Variants in APBA1 observed in about 807,000 individuals in gnomAD.
APBA1 encodes the protein amyloid-beta A4 precursor protein-binding family A member 1.
In APBA1, 55 loss-of-function variants were observed where a neutral mutation model predicts 86.6. The observed-to-expected ratio is 0.64, with a 90% CI of 0.51 to 0.80. The LOEUF (loss-of-function observed/expected upper bound fraction) is 0.80, where lower values mean the gene tolerates loss of function less well. APBA1 is among the 30% of genes least tolerant of loss of function. APBA1 has a pLI of 0.00. For missense variants in APBA1, 1,090 were observed against 1,183.0 expected, an observed-to-expected ratio of 0.92 and a Z score of 1.15; for synonymous variants, 511 against 493.9, an observed-to-expected ratio of 1.03 and a Z score of -0.46.
intron 1 of APBA1, among the ~76,000 whole-genome samples, chr9:69,622,137 G>A (rs11139521): frequency 0.087 from 13,227 of 152,172 alleles, 706 homozygotes; most frequent in African/African-American, 0.14. Flanking sequence ...AGGAATCTGG[G>A]GATGTCACCC....
intron 1 of APBA1, among the ~76,000 whole-genome samples, chr9:69,565,441 C>T (rs1262050405): frequency 6.6e-6 from 1 of 152,120 alleles, no homozygotes; most frequent in Non-Finnish European, 1.5e-5. Flanking sequence ...TGACCTTAAT[C>T]ATCTACGCAC....
At chr9:69,583,812 C>T (rs757218282) in intron 1 of APBA1, among the ~76,000 whole-genome samples, 1 of 152,154 alleles carries the variant, frequency 6.6e-6, no homozygotes, top group African/African-American at 2.4e-5. Flanking sequence ...GTAGCATGCA[C>T]GAGCCAGCTG....
intron 1 of APBA1, among the ~76,000 whole-genome samples, chr9:69,609,832 T>A (rs540688566): frequency 6.6e-6 from 1 of 152,258 alleles, no homozygotes; most frequent in South Asian, 2.1e-4. Context: ...AGGGTCTCCC[T>A]CTGTCACCCA....
chr9:69,492,721 C>T (rs1468078571), intron 2 of APBA1, among the ~76,000 whole-genome samples: 5 of 152,162 alleles, frequency 3.3e-5, no homozygotes, highest in East Asian at 1.9e-4. Context: ...TCAGGGCATA[C>T]GTATGCCTCT....
At chr9:69,630,491 C>T (rs978485176) in intron 1 of APBA1, among the ~76,000 whole-genome samples, 5 of 152,174 alleles carry the variant, frequency 3.3e-5, no homozygotes, top group Non-Finnish European at 5.9e-5. Flanking sequence ...TCCTTCTCAG[C>T]TACATTTCTC....
chr9:69,432,522 C>T lies in APBA1; in HGVS notation c.2442+14G>A, dbSNP rs760955225. The T allele has an allele frequency of 1.8e-5, 28 of 1,523,450 alleles. No individual in the cohort carries two copies. Among genetic ancestry groups the T allele is most frequent in the South Asian group, 9.1e-5 (7 of 76,550 alleles). The allele number at this position is 1,523,450 out of a possible 1,614,324, so 94.4% of individuals were successfully genotyped here. ...CGGCCCTCAGCACCACCCTCAGCCC[C>T]GGACCTCTCCTACCTCCCCAACAGC... On this transcript the variant is annotated intron_variant, in intron 12 of 12. Coordinates refer to ENST00000265381, the MANE Select transcript of APBA1 (RefSeq NM_001163.4).
intron 1 of APBA1, among the ~76,000 whole-genome samples, chr9:69,589,765 A>C (rs1043006462): frequency 6.6e-6 from 1 of 152,152 alleles, no homozygotes; most frequent in Non-Finnish European, 1.5e-5. Flanking sequence ...CAAACAATTT[A>C]AACTGGGATT....
chr9:69,525,673 A>T (rs1251164470), intron 1 of APBA1, among the ~76,000 whole-genome samples: 2 of 152,180 alleles, frequency 1.3e-5, no homozygotes, highest in Non-Finnish European at 2.9e-5. Context: ...ATTCAATGTT[A>T]TTCCTATCAA....
At chr9:69,610,774 G>C (rs961478979) in intron 1 of APBA1, among the ~76,000 whole-genome samples, 1 of 152,142 alleles carries the variant, frequency 6.6e-6, no homozygotes, top group African/African-American at 2.4e-5. Context: ...AACAGAATGA[G>C]ATTCTCAAAC....
chr9:69,594,876 GT>G, intron 1 of APBA1, among the ~76,000 whole-genome samples: 1 of 152,216 alleles, frequency 6.6e-6, no homozygotes, highest in Middle Eastern at 3.4e-3. Flanking sequence ...TCTTGTTACT[GT>G]TACTAGTGTT....
chr9:69,481,997 A>T (rs1488247614), intron 2 of APBA1, among the ~76,000 whole-genome samples: 1 of 150,982 alleles, frequency 6.6e-6, no homozygotes, highest in Non-Finnish European at 1.5e-5. Flanking sequence ...CTTAAACGTT[A>T]GACCTAAAAC....
intron 1 of APBA1, among the ~76,000 whole-genome samples, chr9:69,601,039 T>C (rs1822341609): frequency 6.6e-6 from 1 of 151,884 alleles, no homozygotes; most frequent in Non-Finnish European, 1.5e-5. Context: ...AATTTTAGAA[T>C]ACAAAAAGAA....
intron 1 of APBA1, among the ~76,000 whole-genome samples, chr9:69,523,791 C>T (rs1836301331): frequency 6.6e-6 from 1 of 151,922 alleles, no homozygotes; most frequent in Non-Finnish European, 1.5e-5. Flanking sequence ...CAACTGCATG[C>T]ACATGGAACA....
intron 1 of APBA1, among the ~76,000 whole-genome samples, chr9:69,534,322 C>A (rs983692860): frequency 6.6e-6 from 1 of 152,142 alleles, no homozygotes; most frequent in African/African-American, 2.4e-5. Flanking sequence ...ACTCTCCTTG[C>A]GTCTAGCTGG....
intron 11 of APBA1, among the ~76,000 whole-genome samples, chr9:69,435,736 T>C (rs1458900209): frequency 6.6e-6 from 1 of 152,256 alleles, no homozygotes; most frequent in East Asian, 1.9e-4. Flanking sequence ...TCCCTTTCTG[T>C]AGGTTGCCTG....
At chr9:69,607,515 G>A (rs1293888821) in intron 1 of APBA1, among the ~76,000 whole-genome samples, 1 of 152,086 alleles carries the variant, frequency 6.6e-6, no homozygotes, top group Non-Finnish European at 1.5e-5. Context: ...TGCTAGGACT[G>A]GCAGATTAGC....
chr9:69,446,352 G>A (rs556144437), intron 10 of APBA1, among the ~76,000 whole-genome samples: 55 of 152,114 alleles, frequency 3.6e-4, no homozygotes, highest in African/African-American at 1.3e-3. Context: ...CTCTAATCGG[G>A]GTCTGCCCTG....
chr9:69,520,767 T>C (rs1031346133), intron 1 of APBA1, among the ~76,000 whole-genome samples: 1 of 152,102 alleles, frequency 6.6e-6, no homozygotes, highest in East Asian at 1.9e-4. Context: ...CCTTCCCTTA[T>C]CTCCCTCCTC....
chr9:69,492,842 T>G (rs1292246161), intron 2 of APBA1, among the ~76,000 whole-genome samples: 1 of 152,084 alleles, frequency 6.6e-6, no homozygotes, highest in African/African-American at 2.4e-5. Context: ...CCAATACTTG[T>G]TGGCCTCTTT....
Sources: allele counts gnomAD v4.1 joint callset (sites outside exome capture counted in the v4.1 genomes callset), GRCh38; gene constraint gnomAD v4.1.1; transcripts MANE v1.5; gene names NCBI Gene and HGNC (gene_info 2026-07-23, HGNC 2026-07-21).